TBC1D5: variants seen among roughly 807,000 people sequenced by gnomAD.
TBC1D5 encodes TBC1 domain family member 5, also known as TBC1 domain family, member 5.
A neutral mutation model predicts 100.3 loss-of-function variants in TBC1D5; 75 were observed. The ratio of observed to expected loss-of-function variants is 0.75; its 90% CI spans 0.62 to 0.91. The LOEUF (loss-of-function observed/expected upper bound fraction) is 0.91. TBC1D5 is among the 40% of genes least tolerant of loss of function. The pLI is 0.00. For missense variants in TBC1D5, 910 were observed against 942.4 expected, an observed-to-expected ratio of 0.97 and a Z score of 0.45; for synonymous variants, 323 against 325.6, an observed-to-expected ratio of 0.99 and a Z score of 0.09.
At chr3:17,191,427 C>A (rs1030507233) in intron 18 of TBC1D5, among the ~76,000 whole-genome samples, 4 of 152,128 alleles carry the variant, frequency 2.6e-5, no homozygotes, top group African/African-American at 9.7e-5. Flanking sequence ...AATTTTAATA[C>A]AATCCTAGAA....
chr3:17,237,655 T>A (rs1576193761), intron 17 of TBC1D5, among the ~76,000 whole-genome samples: 1 of 152,260 alleles, frequency 6.6e-6, no homozygotes, highest in African/African-American at 2.4e-5. Context: ...CTTTGGCTGC[T>A]TTTAGTTTCT....
intron 13 of TBC1D5, among the ~76,000 whole-genome samples, chr3:17,367,733 T>C (rs550161351): frequency 2.0e-5 from 3 of 151,694 alleles, no homozygotes; most frequent in African/African-American, 7.3e-5. Context: ...GTGGTGGGCG[T>C]CTATAATCCT....
chr3:17,611,670 A>C (rs1220956648), intron 2 of TBC1D5, among the ~76,000 whole-genome samples: 1 of 152,250 alleles, frequency 6.6e-6, no homozygotes, highest in Non-Finnish European at 1.5e-5. Context: ...TGGACAACTG[A>C]GAAACCAGAG....
chr3:17,325,280 AAAAAG>A (rs201379662), intron 13 of TBC1D5, among the ~76,000 whole-genome samples: 1,556 of 151,522 alleles, frequency 0.01, 13 homozygotes, highest in Non-Finnish European at 0.016. Flanking sequence ...AAAAAAAAAA[AAAAAG>A]AAATGAACTA....
At chr3:17,732,997 A>T (rs1393384821) in intron 1 of TBC1D5, among the ~76,000 whole-genome samples, 1 of 152,214 alleles carries the variant, frequency 6.6e-6, no homozygotes, top group Non-Finnish European at 1.5e-5. Context: ...TAGAAAGCAT[A>T]TAGTACTCCT....
chr3:17,200,166 A>G (rs569679506), intron 18 of TBC1D5, among the ~76,000 whole-genome samples: 28 of 152,354 alleles, frequency 1.8e-4, no homozygotes, highest in African/African-American at 6.0e-4. Context: ...TATAAACACT[A>G]TATTTTGCTG....
intron 15 of TBC1D5, among the ~76,000 whole-genome samples, chr3:17,266,537 C>T (rs1012227509): frequency 8.6e-5 from 13 of 151,988 alleles, no homozygotes; most frequent in African/African-American, 2.9e-4. Context: ...TCTTTAACAG[C>T]CTTACCATGA....
At chr3:17,238,568 G>A in intron 16 of TBC1D5, 149 bp from the exon 17 acceptor site, 1 of 863,812 alleles carries the variant, frequency 1.2e-6, no homozygotes, top group Non-Finnish European at 1.7e-6. Flanking sequence ...AAAATTTAAA[G>A]TTACTACAGA....
chr3:17,486,816 T>C (rs2095574884), intron 3 of TBC1D5, among the ~76,000 whole-genome samples: 1 of 152,188 alleles, frequency 6.6e-6, no homozygotes, highest in Non-Finnish European at 1.5e-5. Flanking sequence ...GCAAACTTTA[T>C]AATGAAAGAA....
chr3:17,374,660 A>C (rs757199147), exon 11 of TBC1D5: 2 of 1,610,864 alleles, frequency 1.2e-6, no homozygotes, highest in South Asian at 2.2e-5. Context: ...TCAGGGTTCA[A>C]GACAGTTTTC....
At chr3:17,735,228 T>A (rs895903068) in intron 1 of TBC1D5, among the ~76,000 whole-genome samples, 1 of 152,382 alleles carries the variant, frequency 6.6e-6, no homozygotes, top group African/African-American at 2.4e-5. Context: ...AACGTAGCAC[T>A]ATTTATCATG....
intron 2 of TBC1D5, among the ~76,000 whole-genome samples, chr3:17,609,793 A>G (rs1208623811): frequency 6.6e-6 from 1 of 152,178 alleles, no homozygotes. Context: ...AGGACTTCTC[A>G]ACACAGCCTT....
intron 2 of TBC1D5, among the ~76,000 whole-genome samples, chr3:17,618,353 G>T (rs1240395953): frequency 6.6e-6 from 1 of 152,194 alleles, no homozygotes; most frequent in Non-Finnish European, 1.5e-5. Flanking sequence ...GCTACATGGG[G>T]GTCAGGGACC....
intron 1 of TBC1D5, among the ~76,000 whole-genome samples, chr3:17,695,196 C>T (rs113241303): frequency 2.6e-5 from 4 of 152,036 alleles, no homozygotes; most frequent in African/African-American, 9.7e-5. Flanking sequence ...AATTAAAGGG[C>T]AAAATAACCA....
intron 18 of TBC1D5, among the ~76,000 whole-genome samples, chr3:17,211,590 C>T (rs889692434): frequency 3.9e-5 from 6 of 152,196 alleles, no homozygotes; most frequent in Non-Finnish European, 8.8e-5. Flanking sequence ...ACTTGCAGCT[C>T]CTGAGCTTCT....
intron 1 of TBC1D5, among the ~76,000 whole-genome samples, chr3:17,624,700 T>G (rs1267797625): frequency 6.6e-6 from 1 of 152,118 alleles, no homozygotes; most frequent in African/African-American, 2.4e-5. Flanking sequence ...CTCTACAACT[T>G]AAAAGCTCAT....
intron 1 of TBC1D5, among the ~76,000 whole-genome samples, chr3:17,676,104 G>T (rs552943112): frequency 6.6e-6 from 1 of 152,026 alleles, no homozygotes; most frequent in East Asian, 1.9e-4. Context: ...ACCCCAGGAT[G>T]ACAACAGTAT....
chr3:17,488,659 A>T (rs2095600211), intron 3 of TBC1D5, among the ~76,000 whole-genome samples: 1 of 152,098 alleles, frequency 6.6e-6, no homozygotes, highest in African/African-American at 2.4e-5. Flanking sequence ...ATTGTTTAGG[A>T]TCTTAATCCT....
chr3:17,370,900 C>T (rs915516746), intron 13 of TBC1D5, among the ~76,000 whole-genome samples: 6 of 152,232 alleles, frequency 3.9e-5, no homozygotes, highest in African/African-American at 1.2e-4. Flanking sequence ...AATGGAGAGT[C>T]AAGCTTTACA....
Sources: gnomAD v4.1 joint callset for allele counts (sites outside exome capture counted in the v4.1 genomes callset) on GRCh38, gnomAD v4.1.1 for gene constraint, MANE v1.5 for transcripts, NCBI Gene and HGNC (gene_info 2026-07-23, HGNC 2026-07-21) for gene names.